The following CELF2 variants were observed in gnomAD, a reference collection of about 807,000 sequenced individuals.
CELF2 encodes the protein CUGBP Elav-like family member 2, also known as CUG triplet repeat RNA-binding protein 2.
Under a neutral mutation model 62.6 loss-of-function variants are expected in CELF2, and 8 were observed. That is an observed-to-expected ratio of 0.13 (90% CI 0.07 to 0.23). The LOEUF is 0.23. Ranked by LOEUF, CELF2 falls within the 10% of genes least tolerant of loss-of-function variation. CELF2 has a pLI of 1.00. For missense variants in CELF2, 333 were observed against 671.0 expected, an observed-to-expected ratio of 0.50 and a Z score of 5.56; for synonymous variants, 258 against 250.0, an observed-to-expected ratio of 1.03 and a Z score of -0.30.
At chr10:10,592,298 G>A in the CELF2 span, among the ~76,000 whole-genome samples, 2 of 152,170 alleles carry the variant, frequency 1.3e-5, no homozygotes, top group African/African-American at 4.8e-5. Flanking sequence ...TTTTACGATG[G>A]TGCTAGGAGG....
At chr10:10,654,975 G>A in the CELF2 span, among the ~76,000 whole-genome samples, 3 of 144,322 alleles carry the variant, frequency 2.1e-5, no homozygotes, top group Non-Finnish European at 3.0e-5. Context: ...AAACCCCATT[G>A]TCTCAGCCCA....
At chr10:10,638,891 CA>C in the CELF2 span, among the ~76,000 whole-genome samples, 2 of 152,144 alleles carry the variant, frequency 1.3e-5, no homozygotes, top group African/African-American at 4.8e-5. Flanking sequence ...CCCTGACTGG[CA>C]AAGTAGAAAT....
the CELF2 span, among the ~76,000 whole-genome samples, chr10:10,518,134 C>G: frequency 1.3e-5 from 2 of 152,154 alleles, no homozygotes; most frequent in African/African-American, 4.8e-5. Context: ...AACACCCAGC[C>G]CAGCTTCTAC....
chr10:10,515,163 G>A, the CELF2 span, among the ~76,000 whole-genome samples: 4 of 152,320 alleles, frequency 2.6e-5, no homozygotes, highest in South Asian at 4.1e-4. Context: ...CACCCTCAGA[G>A]CTAACTGTGG....
Position 11,111,893 on chromosome 10 carries a change from A to G in CELF2, c.75-53593A>G, listed in dbSNP as rs550968272. Among the ~76,000 whole-genome samples, 5 of 152,374 alleles carry G rather than the reference A, an allele frequency of 3.3e-5. No homozygotes were observed. In the South Asian group the frequency reaches 6.2e-4, roughly 19 times the overall value. On this transcript the variant is annotated intron_variant, in intron 1 of 12. Transcript: ENST00000633077. ...TATCTTTTGAATTTGGTTGACTTAT[A>G]ATAATCAAATGTTTGGAGGAGGAGA...
intron 1 of CELF2, among the ~76,000 whole-genome samples, chr10:10,889,171 T>G (rs139430683): frequency 1.1e-4 from 17 of 152,336 alleles, no homozygotes; most frequent in African/African-American, 3.8e-4. Flanking sequence ...TGTGGGTAGA[T>G]CCAACAGAGA....
At chr10:10,879,868 C>G (rs79575719) in intron 1 of CELF2, among the ~76,000 whole-genome samples, 1 of 152,158 alleles carries the variant, frequency 6.6e-6, no homozygotes, top group East Asian at 1.9e-4. Flanking sequence ...ACTTTCTGAA[C>G]CTTCTTGTCT....
rs117489510 is a variant in CELF2 at position 11,088,042 on chromosome 10, G to C, written c.74+69879G>C. Reference sequence around the variant, plus strand: ...TAGAAGGCAGTGTGTTAGGCATTGGGAACACAGGTGTTAAGGTGTGATTTG... The same window carrying C: ...TAGAAGGCAGTGTGTTAGGCATTGGCAACACAGGTGTTAAGGTGTGATTTG... On this transcript the variant is annotated intron_variant, in intron 1 of 12. Transcript: ENST00000633077. 7.8e-3 allele frequency among the ~76,000 whole-genome samples: 1,194 copies of C among 152,338 alleles called. 5 individuals are homozygous for C. Among genetic ancestry groups the C allele is most frequent in the Middle Eastern group, 0.017 (5 of 294 alleles).
rs922982267 is a variant in CELF2 at position 11,220,420 on chromosome 10, T to A, written c.354+2913T>A. Among the ~76,000 whole-genome samples, 1 of 152,222 alleles carries A rather than the reference T, an allele frequency of 6.6e-6. No individual in the cohort carries two copies. Among genetic ancestry groups the A allele is most frequent in the Admixed American group, 6.5e-5 (1 of 15,284 alleles). ...AACAAGTTGATAGGATGGTCTGTTG[T>A]GCAATCAAATGTGTCTGCCATAAGA... On this transcript the variant is annotated intron_variant, in intron 3 of 12. Coordinates refer to ENST00000633077, the MANE Select transcript of CELF2 (RefSeq NM_001326342.2). This position sits in a 1 kb window ranked among gnomAD's most constrained non-coding sequence, Gnocchi z 4.4.
chr10:10,942,636 A>C (rs1205668755), intron 2 of CELF2, among the ~76,000 whole-genome samples: 2 of 152,222 alleles, frequency 1.3e-5, no homozygotes, highest in Non-Finnish European at 2.9e-5. Flanking sequence ...CTTCATTATA[A>C]ATGAGTCATG....
Position 11,009,725 on chromosome 10 carries a change from T to C in CELF2, c.53+4285T>C, listed in dbSNP as rs115545957. 4.1e-3 allele frequency among the ~76,000 whole-genome samples: 630 copies of C among 152,312 alleles called. 6 individuals carry two copies. The highest frequency in any genetic ancestry group is 0.015 in the African/African-American group (604 of 41,580). ...AGGATGGTGATGAATCACTTGAGTT[T>C]AGGGAGCAGGATTGGCAGCATGCCC... is the stretch of plus-strand genomic sequence containing the variant. On this transcript the variant is annotated intron_variant, in intron 1 of 12. Transcript: ENST00000416382.
At chr10:11,218,227 A>G (rs1324238468) in intron 3 of CELF2, among the ~76,000 whole-genome samples, 1 of 152,242 alleles carries the variant, frequency 6.6e-6, no homozygotes, top group African/African-American at 2.4e-5. Context: ...CCATTGACCC[A>G]AATATCAGTG....
chr10:11,004,264 C>CG (rs1463998196), upstream of CELF2, among the ~76,000 whole-genome samples: 1 of 152,142 alleles, frequency 6.6e-6, no homozygotes, highest in Non-Finnish European at 1.5e-5. The surrounding 1 kb of genome is among the most constrained non-coding windows in gnomAD (Gnocchi z 5.0). Flanking sequence ...CAGTGACCCA[C>CG]GTCTGTTTGA....
the CELF2 span, among the ~76,000 whole-genome samples, chr10:10,512,236 G>A: frequency 6.6e-6 from 1 of 152,098 alleles, no homozygotes; most frequent in African/African-American, 2.4e-5. Flanking sequence ...GTCAATATCT[G>A]TGCTGCTGAT....
the CELF2 span, among the ~76,000 whole-genome samples, chr10:10,682,525 G>A: frequency 1.3e-5 from 2 of 152,202 alleles, no homozygotes; most frequent in Non-Finnish European, 2.9e-5. Context: ...CAGACTGAAG[G>A]TGTTCCGTTT....
At chr10:11,089,435 G>A (rs1289198456) in intron 1 of CELF2, among the ~76,000 whole-genome samples, 1 of 152,206 alleles carries the variant, frequency 6.6e-6, no homozygotes, top group Non-Finnish European at 1.5e-5. Flanking sequence ...CAGAGATAGT[G>A]GCCAGAGATA....
chr10:11,086,597 A>AAAAAC (rs2046840942), intron 1 of CELF2, among the ~76,000 whole-genome samples: 1 of 148,088 alleles, frequency 6.8e-6, no homozygotes, highest in African/African-American at 2.5e-5. Flanking sequence ...AAAAAAAAAA[A>AAAAAC]AAAAAAAAAA....
intron 1 of CELF2, among the ~76,000 whole-genome samples, chr10:10,802,906 A>G (rs549482352): frequency 4.7e-4 from 71 of 152,308 alleles, no homozygotes; most frequent in African/African-American, 1.6e-3. Context: ...AACTCTATCT[A>G]TAATGTCCCC....
chr10:11,207,276 T>C lies in CELF2; in HGVS notation c.272-10149T>C, dbSNP rs10795850. Among the ~76,000 whole-genome samples, 112,702 of 151,858 alleles carry C rather than the reference T, an allele frequency of 0.74. 42,770 individuals are homozygous for C. The highest frequency in any genetic ancestry group is 0.8 in the Non-Finnish European group (54,309 of 67,908). ...AGGAAAGAAAGAAACTCCATTTTCC[T>C]CGCAGAAAACAGGGAGCTTGCTAGT... On this transcript the variant is annotated intron_variant, in intron 2 of 12. Transcript: ENST00000633077. The surrounding 1 kb of genome is among the most constrained non-coding windows in gnomAD (Gnocchi z 4.1).
Sources: allele counts gnomAD v4.1 joint callset (sites outside exome capture counted in the v4.1 genomes callset), GRCh38; gene constraint gnomAD v4.1.1; non-coding constraint Gnocchi (gnomAD v3.1); transcripts MANE v1.5; gene names NCBI Gene and HGNC (gene_info 2026-07-23, HGNC 2026-07-21).